The following EFL1 variants were observed in gnomAD, a reference collection of about 807,000 sequenced individuals.
EFL1 encodes the protein elongation factor like GTPase 1.
In EFL1, 76 loss-of-function variants were observed where a neutral mutation model predicts 126.7. The ratio of observed to expected loss-of-function variants is 0.60; its 90% confidence interval spans 0.50 to 0.73. The LOEUF is 0.73. Among genes scored for constraint, EFL1 ranks in the 30% least tolerant of loss-of-function variants. EFL1 has a pLI of 0.00. For synonymous variants in EFL1, 410 were observed against 448.4 expected (o/e 0.91, Z 1.08); for missense variants, 1,128 against 1,343.2 (o/e 0.84, Z 2.50).
At chr15:82,211,143 C>G (rs1339725686) in intron 15 of EFL1, among the ~76,000 whole-genome samples, 2 of 151,922 alleles carry the variant, frequency 1.3e-5, no homozygotes, top group Non-Finnish European at 2.9e-5. Context: ...TCAACTCACC[C>G]TAGAAAGCCA....
At chr15:82,173,058 C>T (rs2074153414) in intron 15 of EFL1, among the ~76,000 whole-genome samples, 1 of 151,866 alleles carries the variant, frequency 6.6e-6, no homozygotes, top group Non-Finnish European at 1.5e-5. Context: ...CATCTATGTG[C>T]ACAAGGAAAA....
chr15:82,217,043 C>T (rs1422739313), intron 14 of EFL1, among the ~76,000 whole-genome samples: 1 of 151,884 alleles, frequency 6.6e-6, no homozygotes, highest in Non-Finnish European at 1.5e-5. Context: ...TATCTTCACA[C>T]GAGAACACAA....
intron 19 of EFL1, among the ~76,000 whole-genome samples, chr15:82,131,717 A>C (rs539788256): frequency 1.3e-5 from 2 of 152,162 alleles, no homozygotes; most frequent in African/African-American, 4.8e-5. Context: ...TCTTGAACCC[A>C]GGAGGTGGAG....
intron 15 of EFL1, among the ~76,000 whole-genome samples, chr15:82,213,871 T>G (rs2074614501): frequency 6.6e-6 from 1 of 152,142 alleles, no homozygotes; most frequent in Non-Finnish European, 1.5e-5. Context: ...AAAAATTAAA[T>G]AAAGAAAAGA....
intron 15 of EFL1, among the ~76,000 whole-genome samples, chr15:82,211,485 C>G (rs1387537353): frequency 6.7e-6 from 1 of 149,438 alleles, no homozygotes; most frequent in Non-Finnish European, 1.5e-5. Flanking sequence ...GAGATTGTGC[C>G]AATGTACTCC....
chr15:82,196,282 TA>T (rs1296267305), intron 15 of EFL1, among the ~76,000 whole-genome samples: 1 of 152,200 alleles, frequency 6.6e-6, no homozygotes, highest in African/African-American at 2.4e-5. Context: ...ACCCGGGTTC[TA>T]GATCAACTCT....
chr15:82,225,356 C>G (rs2074752446), intron 11 of EFL1, 92 bp from the exon 12 acceptor site: 2 of 932,676 alleles, frequency 2.1e-6, no homozygotes, highest in Non-Finnish European at 1.5e-6. Context: ...ATGTTTAGAA[C>G]ATGGATGGCA....
intron 6 of EFL1, among the ~76,000 whole-genome samples, chr15:82,239,086 C>T (rs540734258): frequency 6.6e-6 from 1 of 152,264 alleles, no homozygotes; most frequent in African/African-American, 2.4e-5. Flanking sequence ...CTGCAAATAC[C>T]ACTGACCTTT....
intron 18 of EFL1, among the ~76,000 whole-genome samples, chr15:82,143,642 A>G (rs1414948167): frequency 2.0e-5 from 3 of 152,238 alleles, no homozygotes; most frequent in Non-Finnish European, 4.4e-5. Flanking sequence ...TGGGGAACGT[A>G]GGCTGGTTGC....
chr15:82,193,205 A>G (rs2074377259), intron 15 of EFL1, among the ~76,000 whole-genome samples: 1 of 152,200 alleles, frequency 6.6e-6, no homozygotes, highest in South Asian at 2.1e-4. Flanking sequence ...TGACTACTGG[A>G]TCCTGAAAAT....
At chr15:82,201,698 CAAAAA>C (rs57664245) in intron 15 of EFL1, among the ~76,000 whole-genome samples, 20 of 98,660 alleles carry the variant, frequency 2.0e-4, no homozygotes, top group South Asian at 3.9e-4. Context: ...TAACTTCTTG[CAAAAA>C]AAAAAAAAAA....
At chr15:82,151,374 T>G in intron 18 of EFL1, 91 bp downstream of exon 18, 3 of 1,271,906 alleles carry the variant, frequency 2.4e-6, no homozygotes, top group Non-Finnish European at 3.3e-6. Context: ...GGCGACAGAA[T>G]GAGACCCTGT....
chr15:82,195,013 C>A (rs573577105), intron 15 of EFL1, among the ~76,000 whole-genome samples: 2 of 152,054 alleles, frequency 1.3e-5, no homozygotes, highest in African/African-American at 4.8e-5. Flanking sequence ...TATCACGTAG[C>A]GTTCAATATC....
chr15:82,172,469 G>C (rs1021901064), intron 15 of EFL1, among the ~76,000 whole-genome samples: 2 of 152,102 alleles, frequency 1.3e-5, no homozygotes, highest in Non-Finnish European at 2.9e-5. Flanking sequence ...TAGTGAGCAG[G>C]GGCCAGTGCT....
In EFL1 at chr15:82,164,262, T is replaced by C. The variant is rs573483804; in HGVS notation, c.1751-278A>G. 1.2e-4 allele frequency among the ~76,000 whole-genome samples: 18 copies of C among 152,236 alleles called. No individual in the cohort carries two copies. In the East Asian group the frequency reaches 3.1e-3, roughly 26 times the overall value. On this transcript the variant is annotated intron_variant, in intron 15 of 19. Transcript: ENST00000268206. ...ATAGCTACTTTGACCACAGAAATGA[T>C]CACTTCCAGATATATTTGTCTGAAA... is the stretch of plus-strand genomic sequence containing the variant.
Position 82,251,258 on chromosome 15 carries a change from A to G in EFL1, c.244+1433T>C, listed in dbSNP as rs144283372. ...ACCTAAAACAATCTGATCTGTGAGC[A>G]GCCAAGGTCAAGGTCACAGAGCTCG... On this transcript the variant is annotated intron_variant, in intron 4 of 19. Transcript: ENST00000268206. Among the ~76,000 whole-genome samples, 7 of 152,350 alleles carry G rather than the reference A, an allele frequency of 4.6e-5. 1 individual carries two copies. The East Asian group carries it at 1.3e-3, about 29-fold the overall frequency.
intron 15 of EFL1, among the ~76,000 whole-genome samples, chr15:82,165,489 A>C (rs954896850): frequency 1.3e-5 from 2 of 152,172 alleles, no homozygotes; most frequent in African/African-American, 4.8e-5. Flanking sequence ...AGGATAATTT[A>C]GAGGTTTCTT....
chr15:82,261,852 G>T, intron 1 of EFL1, 55 bp from the exon 2 acceptor site: 2 of 1,373,986 alleles, frequency 1.5e-6, no homozygotes, highest in East Asian at 4.7e-5. Context: ...CGGGGCAAAA[G>T]AAAAAAATAA....
chr15:82,246,618 G>A (rs2074975439), intron 4 of EFL1, among the ~76,000 whole-genome samples: 1 of 152,038 alleles, frequency 6.6e-6, no homozygotes, highest in African/African-American at 2.4e-5. Context: ...AAAAGCTGAT[G>A]GATACAAGCC....
Sources: allele counts gnomAD v4.1 joint callset (sites outside exome capture counted in the v4.1 genomes callset), GRCh38; gene constraint gnomAD v4.1.1; transcripts MANE v1.5; gene names NCBI Gene and HGNC (gene_info 2026-07-23, HGNC 2026-07-21).